C8orf34: variants seen among roughly 807,000 people sequenced by gnomAD.
C8orf34 encodes uncharacterized protein C8orf34.
C8orf34 carries 65 observed loss-of-function variants against 68.3 expected under a neutral mutation model. The observed-to-expected ratio is 0.95, with a 90% CI of 0.78 to 1.17. C8orf34 has a LOEUF of 1.17. Among genes scored for constraint, C8orf34 ranks in the 50% most tolerant of loss-of-function variants. The pLI is 0.00. For missense variants in C8orf34, 664 were observed against 655.4 expected (o/e 1.01, Z -0.14); for synonymous variants, 244 against 241.2 (o/e 1.01, Z -0.11).
chr8:68,652,759 T>C (rs1340980594), intron 8 of C8orf34, among the ~76,000 whole-genome samples: 1 of 152,216 alleles, frequency 6.6e-6, no homozygotes, highest in African/African-American at 2.4e-5. Flanking sequence ...GCTTATCTTA[T>C]GCCTTACAGT....
intron 7 of C8orf34, among the ~76,000 whole-genome samples, chr8:68,569,397 A>G (rs369940487): frequency 6.6e-6 from 1 of 152,212 alleles, no homozygotes; most frequent in South Asian, 2.1e-4. Context: ...GGAGACAGCA[A>G]ACACAAACAG....
At chr8:68,371,796 C>T (rs976503898) in intron 1 of C8orf34, among the ~76,000 whole-genome samples, 6 of 151,984 alleles carry the variant, frequency 3.9e-5, no homozygotes, top group African/African-American at 1.4e-4. Context: ...GAGGTGATTT[C>T]ACCATGTTGG....
chr8:68,787,313 C>CT (rs1455098674), intron 11 of C8orf34, 130 bp from the exon 12 acceptor site: 1 of 556,384 alleles, frequency 1.8e-6, no homozygotes, highest in South Asian at 3.2e-5. Context: ...TAGAGCTCTC[C>CT]TTTTTTTAAT....
At chr8:68,385,064 A>T (rs1254397280) in intron 1 of C8orf34, among the ~76,000 whole-genome samples, 6 of 152,226 alleles carry the variant, frequency 3.9e-5, no homozygotes, top group Non-Finnish European at 1.5e-5. Flanking sequence ...ATCCTTGTGA[A>T]TGTAAACAAC....
intron 1 of C8orf34, among the ~76,000 whole-genome samples, chr8:68,344,627 G>A (rs1395842633): frequency 6.6e-6 from 1 of 152,066 alleles, no homozygotes; most frequent in African/African-American, 2.4e-5. Flanking sequence ...AAAATATAAA[G>A]TTTAATGAAA....
rs182920390 is a variant in C8orf34, at chr8:68,604,443, G to C, written c.1106-35933G>C. ...AGCAAATCATTCTGTAAGAAAACAA[G>C]TAAAATAAAGTACAAACAAGTTCTA... On this transcript the variant is annotated intron_variant, in intron 7 of 13. Coordinates refer to ENST00000518698, the MANE Select transcript of C8orf34 (RefSeq NM_052958.4). Among the ~76,000 whole-genome samples, 607 of 148,518 alleles carry C rather than the reference G, an allele frequency of 4.1e-3. 1 individual carries two copies. Among genetic ancestry groups the C allele is most frequent in the African/African-American group, 0.015 (579 of 39,290 alleles).
intron 10 of C8orf34, among the ~76,000 whole-genome samples, chr8:68,722,771 C>A (rs983817705): frequency 6.6e-6 from 1 of 151,766 alleles, no homozygotes; most frequent in Non-Finnish European, 1.5e-5. Context: ...CACAGTAGGC[C>A]CATAATATGA....
chr8:68,647,402 C>CA lies in C8orf34; in HGVS notation c.1241+6895dup, dbSNP rs1270908882. Among the ~76,000 whole-genome samples, 5 of 152,228 alleles carry CA rather than the reference C, an allele frequency of 3.3e-5. No homozygotes were observed. The East Asian group carries it at 9.6e-4, about 29-fold the overall frequency. On this transcript the variant is annotated intron_variant, in intron 8 of 13. Transcript: ENST00000518698. ...AAGCGTGGAGTTTCTGTAGAAAAGT[C>CA]AAAATAGAATTACTATATGTTCCAG...
At chr8:68,404,462 T>C (rs1809099664) in intron 1 of C8orf34, among the ~76,000 whole-genome samples, 1 of 152,200 alleles carries the variant, frequency 6.6e-6, no homozygotes, top group East Asian at 1.9e-4. Context: ...GCCTATGTCC[T>C]GAATGGTATT....
intron 2 of C8orf34, among the ~76,000 whole-genome samples, chr8:68,445,007 C>T (rs1289541576): frequency 6.6e-6 from 1 of 152,116 alleles, no homozygotes; most frequent in East Asian, 1.9e-4. Context: ...GAGGTGGACA[C>T]CTAGAAATCT....
At chr8:68,811,486 TC>T (rs1474674783) in intron 12 of C8orf34, among the ~76,000 whole-genome samples, 7 of 152,096 alleles carry the variant, frequency 4.6e-5, no homozygotes, top group African/African-American at 1.7e-4. Context: ...TTTTCCCAGC[TC>T]CCATTGGCTC....
chr8:68,480,611 T>G (rs556553162), intron 4 of C8orf34, among the ~76,000 whole-genome samples: 5 of 152,296 alleles, frequency 3.3e-5, no homozygotes, highest in African/African-American at 9.6e-5. Context: ...GATAGTGATA[T>G]GAACAATAAG....
chr8:68,486,257 C>A (rs1813073803), intron 4 of C8orf34, among the ~76,000 whole-genome samples: 2 of 152,116 alleles, frequency 1.3e-5, no homozygotes, highest in Non-Finnish European at 2.9e-5. Context: ...GACTGTGGTG[C>A]TGTCATATCT....
intron 10 of C8orf34, among the ~76,000 whole-genome samples, chr8:68,751,777 T>C (rs186983501): frequency 5.3e-5 from 8 of 152,046 alleles, no homozygotes; most frequent in Admixed American, 3.3e-4. Flanking sequence ...GCAGATAGAC[T>C]ATAGGGGTTA....
At chr8:68,655,785 A>G (rs1474753200) in intron 8 of C8orf34, among the ~76,000 whole-genome samples, 1 of 152,188 alleles carries the variant, frequency 6.6e-6, no homozygotes, top group Non-Finnish European at 1.5e-5. Context: ...GGGGAAACCC[A>G]CAACAACAAT....
intron 8 of C8orf34, among the ~76,000 whole-genome samples, chr8:68,662,036 C>T (rs917186997): frequency 2.6e-5 from 4 of 151,930 alleles, no homozygotes; most frequent in African/African-American, 4.8e-5. Context: ...CTGGGAGTCC[C>T]GCAAAATATG....
chr8:68,771,746 C>T (rs966439509), intron 10 of C8orf34, among the ~76,000 whole-genome samples: 1 of 152,096 alleles, frequency 6.6e-6, no homozygotes, highest in African/African-American at 2.4e-5. Flanking sequence ...TACAACAGTT[C>T]CCAGCACATG....
At chr8:68,497,834 G>C (rs892938633) in intron 5 of C8orf34, among the ~76,000 whole-genome samples, 1 of 151,888 alleles carries the variant, frequency 6.6e-6, no homozygotes, top group African/African-American at 2.4e-5. Context: ...CTATTTTTGG[G>C]GGGAGATGGG....
At chr8:68,356,635 A>G (rs961015921) in intron 1 of C8orf34, among the ~76,000 whole-genome samples, 1 of 152,162 alleles carries the variant, frequency 6.6e-6, no homozygotes, top group African/African-American at 2.4e-5. Flanking sequence ...CATGAAATTA[A>G]GTATGTGAAT....
Sources: gnomAD v4.1 joint callset for allele counts (sites outside exome capture counted in the v4.1 genomes callset) on GRCh38, gnomAD v4.1.1 for gene constraint, MANE v1.5 for transcripts, NCBI Gene and HGNC (gene_info 2026-07-23, HGNC 2026-07-21) for gene names.